Variants in NFATC1 observed in about 807,000 individuals in gnomAD.
The protein encoded by NFATC1 is nuclear factor of activated T cells 1, also known as nuclear factor of activated T-cells, cytoplasmic 1.
Under a neutral mutation model 76.0 loss-of-function variants are expected in NFATC1, and 22 were observed. The observed-to-expected ratio is 0.29, with a 90% CI of 0.21 to 0.41. NFATC1 has a LOEUF of 0.41. Among genes scored for constraint, NFATC1 ranks in the 10% least tolerant of loss-of-function variants. NFATC1 has a pLI of 1.00. For synonymous variants in NFATC1, 704 were observed against 613.1 expected, an observed-to-expected ratio of 1.15 and a Z score of -2.19; for missense variants, 1,357 against 1,337.7, an observed-to-expected ratio of 1.01 and a Z score of -0.23.
chr18:79,510,137 C>G (rs2090208967), intron 9 of NFATC1, among the ~76,000 whole-genome samples: 1 of 152,162 alleles, frequency 6.6e-6, no homozygotes, highest in African/African-American at 2.4e-5. Context: ...TAGCCCCCCC[C>G]AAGGAGGAAA....
chr18:79,446,501 G>A (rs928040005), intron 3 of NFATC1, among the ~76,000 whole-genome samples: 12 of 152,108 alleles, frequency 7.9e-5, no homozygotes, highest in Non-Finnish European at 1.3e-4. Flanking sequence ...GGCAGAATCC[G>A]CCTCTTAATC....
rs2089605954 is a variant in NFATC1, at chr18:79,489,186, CTGT to C, written c.2782+2253_2782+2255del. 2.0e-5 allele frequency among the ~76,000 whole-genome samples: 3 copies of C among 152,248 alleles called. No individual in the cohort carries two copies. The South Asian group carries it at 6.2e-4, about 31-fold the overall frequency. ...GGCCTGGTGGGCCACAGAGGGTGGG[CTGT>C]TGTGTCGCTGAGTGCACAGGCTAGG... On this transcript the variant is annotated intron_variant, in intron 9 of 9. Coordinates refer to ENST00000427363, the MANE Select transcript of NFATC1 (RefSeq NM_001278669.2).
intron 3 of NFATC1, among the ~76,000 whole-genome samples, chr18:79,438,271 A>G (rs569254527): frequency 6.6e-6 from 1 of 152,094 alleles, no homozygotes; most frequent in East Asian, 1.9e-4. Context: ...ACATGAGTCA[A>G]CCCGTCCTTG....
chr18:79,420,055 G>A (rs181609172), intron 2 of NFATC1, among the ~76,000 whole-genome samples: 49 of 152,334 alleles, frequency 3.2e-4, no homozygotes, highest in Non-Finnish European at 6.0e-4. Flanking sequence ...AGGCCACACC[G>A]GACGCCGTGT....
chr18:79,449,275 A>AGCAGT (rs1214052618), intron 4 of NFATC1, among the ~76,000 whole-genome samples: 2 of 152,236 alleles, frequency 1.3e-5, no homozygotes, highest in Non-Finnish European at 2.9e-5. Flanking sequence ...TTCCGAATAC[A>AGCAGT]GCAGTGTAAT....
intron 8 of NFATC1, 125 bp downstream of exon 8, chr18:79,467,707 G>A (rs757952983): frequency 5.1e-5 from 72 of 1,414,634 alleles, no homozygotes; most frequent in African/African-American, 1.2e-4. Flanking sequence ...GTGATGTCCC[G>A]TTAGTGAGAC....
At chr18:79,445,826 T>C (rs1341137439) in intron 3 of NFATC1, among the ~76,000 whole-genome samples, 4 of 152,162 alleles carry the variant, frequency 2.6e-5, no homozygotes, top group African/African-American at 9.7e-5. Flanking sequence ...TTCCCACCCG[T>C]GAGCTGCCTC....
chr18:79,488,988 G>A (rs924774518), intron 9 of NFATC1, among the ~76,000 whole-genome samples: 4 of 152,198 alleles, frequency 2.6e-5, no homozygotes, highest in South Asian at 2.1e-4. Context: ...AGTGCTGGGG[G>A]CTGGGACGTG....
At position 79,451,801 on chromosome 18, in the gene NFATC1, G is replaced by T. The variant is rs201065601; in HGVS notation, c.1888G>T (p.Val630Leu). The change falls in exon 6 of 10, where the codon GTG becomes TTG. Residue 630 changes from valine to leucine, a missense_variant. Transcript: ENST00000427363. ...CCTGCAGGACTCCAAGGTCATTTTCGTGGAGAAAGCCCCAGGTATGCTCTT... is the reference window on the plus strand; with the variant it reads ...CCTGCAGGACTCCAAGGTCATTTTCTTGGAGAAAGCCCCAGGTATGCTCTT... The part of the protein sequence containing the change: ...NFLQDSKVIF[V>L]EKAPDGHHVW... 3 of 1,611,142 alleles carry T rather than the reference G, an allele frequency of 1.9e-6. No homozygotes were observed. The highest frequency in any genetic ancestry group is 2.2e-5 in the East Asian group (1 of 44,758).
At chr18:79,513,793 C>T (rs2090316894) in intron 9 of NFATC1, among the ~76,000 whole-genome samples, 1 of 152,226 alleles carries the variant, frequency 6.6e-6, no homozygotes, top group Admixed American at 6.5e-5. Flanking sequence ...GGTTCGTGGA[C>T]ACTCACCATG....
At chr18:79,427,892 C>CG (rs2086447606) in intron 2 of NFATC1, among the ~76,000 whole-genome samples, 42 of 4,688 alleles carry the variant, frequency 9.0e-3, no homozygotes, top group East Asian at 0.014. Context: ...TGCAGTGAGT[C>CG]GGGGAGGGGG....
intron 8 of NFATC1, among the ~76,000 whole-genome samples, chr18:79,474,294 A>G (rs1402007496): frequency 3.1e-5 from 4 of 128,238 alleles, no homozygotes; most frequent in East Asian, 5.2e-4. Flanking sequence ...TCTCACGCTC[A>G]CTGTCGACAT....
chr18:79,462,485 G>A (rs953201088), intron 7 of NFATC1, among the ~76,000 whole-genome samples: 1 of 152,000 alleles, frequency 6.6e-6, no homozygotes, highest in African/African-American at 2.4e-5. Flanking sequence ...TGTAATTTTA[G>A]TAGAGATGGG....
At chr18:79,495,543 C>T (rs753115879) in intron 9 of NFATC1, among the ~76,000 whole-genome samples, 17 of 152,204 alleles carry the variant, frequency 1.1e-4, no homozygotes, top group Non-Finnish European at 1.0e-4. Flanking sequence ...GACATAGGGA[C>T]GAGGTGGAAG....
intron 1 of NFATC1, among the ~76,000 whole-genome samples, chr18:79,409,448 T>C (rs1266493011): frequency 6.6e-6 from 1 of 151,876 alleles, no homozygotes; most frequent in East Asian, 1.9e-4. Context: ...TATCCATCCA[T>C]TCATCCACCA....
At chr18:79,501,534 A>C (rs2090014410) in intron 9 of NFATC1, among the ~76,000 whole-genome samples, 1 of 152,122 alleles carries the variant, frequency 6.6e-6, no homozygotes, top group Admixed American at 6.5e-5. Context: ...GGACAGGAAA[A>C]AGTAAAATTG....
At chr18:79,461,538 C>T (rs1042167708) in intron 7 of NFATC1, among the ~76,000 whole-genome samples, 172 bp downstream of exon 7, 1 of 141,448 alleles carries the variant, frequency 7.1e-6, no homozygotes, top group South Asian at 2.2e-4. Flanking sequence ...CAAACAGGAT[C>T]ACCAAGTACT....
intron 6 of NFATC1, among the ~76,000 whole-genome samples, chr18:79,458,761 C>T (rs1568987374): frequency 6.6e-6 from 1 of 152,224 alleles, no homozygotes; most frequent in Admixed American, 6.5e-5. Flanking sequence ...GTCCGGGCCT[C>T]CACGGAGCTG....
intron 8 of NFATC1, among the ~76,000 whole-genome samples, chr18:79,474,616 TA>T (rs2088962017): frequency 6.8e-6 from 1 of 146,062 alleles, no homozygotes; most frequent in African/African-American, 2.6e-5. Flanking sequence ...ACTGTTGACG[TA>T]AACCTGAGGG....
Sources: allele counts gnomAD v4.1 joint callset (sites outside exome capture counted in the v4.1 genomes callset), GRCh38; gene constraint gnomAD v4.1.1; transcripts MANE v1.5; gene names NCBI Gene and HGNC (gene_info 2026-07-23, HGNC 2026-07-21).